Variants in EFL1 observed in about 807,000 individuals in gnomAD.
The protein encoded by EFL1 is elongation factor-like GTPase 1.
A neutral mutation model predicts 126.7 loss-of-function variants in EFL1; 76 were observed. The observed-to-expected ratio is 0.60, with a 90% CI of 0.50 to 0.73. The LOEUF (loss-of-function observed/expected upper bound fraction) is 0.73, where lower values mean the gene tolerates loss of function less well. EFL1 is among the 30% of genes least tolerant of loss of function. The probability of loss-of-function intolerance (pLI) is 0.00; values close to 1 mark genes in which losing one functional copy is unlikely to be tolerated. For synonymous variants in EFL1, 410 were observed against 448.4 expected (o/e 0.91, Z 1.08); for missense variants, 1,128 against 1,343.2 (o/e 0.84, Z 2.50).
At chr15:82,222,684 A>T (rs1181728636) in intron 12 of EFL1, among the ~76,000 whole-genome samples, 1 of 152,226 alleles carries the variant, frequency 6.6e-6, no homozygotes, top group Admixed American at 6.5e-5. Flanking sequence ...ATCAGCAAGG[A>T]TGTGTAAAAA....
intron 15 of EFL1, among the ~76,000 whole-genome samples, chr15:82,178,398 T>C (rs974405925): frequency 6.6e-6 from 1 of 152,202 alleles, no homozygotes; most frequent in Non-Finnish European, 1.5e-5. Flanking sequence ...ACACTTGCCA[T>C]AGATACATGA....
At chr15:82,158,866 C>T (rs1174260079) in intron 16 of EFL1, among the ~76,000 whole-genome samples, 4 of 152,106 alleles carry the variant, frequency 2.6e-5, no homozygotes, top group Admixed American at 1.3e-4. Context: ...AACGATGAGG[C>T]GGTATGATGA....
chr15:82,130,650 G>T, intron 19 of EFL1, 89 bp from the exon 20 acceptor site: 1 of 1,398,190 alleles, frequency 7.2e-7, no homozygotes, highest in Non-Finnish European at 9.8e-7. Flanking sequence ...TATAGTCTTA[G>T]CTAATGAAAA....
At chr15:82,201,891 C>T (rs1440379323) in intron 15 of EFL1, among the ~76,000 whole-genome samples, 1 of 149,920 alleles carries the variant, frequency 6.7e-6, no homozygotes, top group African/African-American at 2.5e-5. Flanking sequence ...CTCTCTCCCT[C>T]CTCCTACTTT....
intron 13 of EFL1, 121 bp from the exon 14 acceptor site, chr15:82,219,939 CA>C: frequency 6.8e-7 from 1 of 1,477,054 alleles, no homozygotes; most frequent in Non-Finnish European, 9.0e-7. Flanking sequence ...AAAAAGAAAA[CA>C]AAACAAAACA....
intron 3 of EFL1, among the ~76,000 whole-genome samples, chr15:82,257,596 G>C (rs1173838368): frequency 1.3e-5 from 2 of 152,098 alleles, no homozygotes; most frequent in Non-Finnish European, 2.9e-5. Context: ...TATATTTTTA[G>C]AGCACCTTTA....
At chr15:82,237,197 T>C (rs1232367254) in intron 7 of EFL1, among the ~76,000 whole-genome samples, 1 of 152,114 alleles carries the variant, frequency 6.6e-6, no homozygotes, top group East Asian at 1.9e-4. Context: ...GTTGCTCATT[T>C]TGAAAGACAC....
intron 5 of EFL1, 116 bp from the exon 6 acceptor site, chr15:82,240,671 A>G: frequency 8.3e-7 from 1 of 1,201,544 alleles, no homozygotes; most frequent in Middle Eastern, 2.8e-4. Flanking sequence ...GGTATTCATT[A>G]GGCATTCACA....
chr15:82,251,826 T>C (rs183241353), intron 4 of EFL1, among the ~76,000 whole-genome samples: 26 of 152,320 alleles, frequency 1.7e-4, no homozygotes, highest in African/African-American at 6.0e-4. Context: ...TTATCTTTAT[T>C]ATTTTCTTCT....
In EFL1 at chr15:82,241,219, C is replaced by G. The variant is rs1452986229; in HGVS notation, c.378+51G>C. 4.4e-6 allele frequency: 7 copies of G among 1,604,282 alleles called. No individual in the cohort carries two copies. The South Asian group carries it at 7.8e-5, about 18-fold the overall frequency. ...AATGCCTAAAGTCAGTCAGTTCCCC[C>G]TCTTTCCTCACCCTTAACCATTTAA... On this transcript the variant is annotated intron_variant, in intron 5 of 19. Coordinates refer to ENST00000268206, the MANE Select transcript of EFL1 (RefSeq NM_024580.6).
rs1313113389 is a variant in EFL1 at position 82,152,335 on chromosome 15, C to T, written c.2119G>A (p.Glu707Lys). Residue 707 changes from glutamate (E) to lysine (K), a missense_variant, in exon 18 of 20, where the codon GAA (glutamate) becomes AAA (lysine). Physicochemically the swap from Glu to Lys is moderately conservative, Grantham distance 56 (BLOSUM62 1). Around this residue, in one of 6 missense-constraint regions of EFL1, gnomAD observed 561 missense variants for 641.7 expected, o/e 0.87. Transcript: ENST00000268206. ...ACTTTTTGCTGTTTGCCTATTTCTTCATTGACCATGTCAACTTTTGGGGGT... is the reference window on the plus strand; with the variant it reads ...ACTTTTTGCTGTTTGCCTATTTCTTTATTGACCATGTCAACTTTTGGGGGT... ...TKPPKVDMVN[E>K]EIGKQQKVAV... 6.2e-7 allele frequency: 1 copy of T among 1,613,950 alleles called. No homozygotes were observed. Among genetic ancestry groups the T allele is most frequent in the South Asian group, 1.1e-5 (1 of 91,080 alleles).
chr15:82,185,044 C>T (rs928000188), intron 15 of EFL1, among the ~76,000 whole-genome samples: 1 of 152,068 alleles, frequency 6.6e-6, no homozygotes, highest in South Asian at 2.1e-4. Context: ...TTTTATATCC[C>T]CTGCTACAAT....
At chr15:82,212,210 A>G (rs1306889601) in intron 15 of EFL1, among the ~76,000 whole-genome samples, 1 of 152,256 alleles carries the variant, frequency 6.6e-6, no homozygotes, top group African/African-American at 2.4e-5. Flanking sequence ...TACTCCATGC[A>G]ATGTTATTTA....
intron 15 of EFL1, among the ~76,000 whole-genome samples, chr15:82,198,976 A>C (rs1450349596): frequency 6.6e-6 from 1 of 152,204 alleles, no homozygotes; most frequent in African/African-American, 2.4e-5. Flanking sequence ...TTAGGATATA[A>C]AATTAAGCCA....
At chr15:82,132,681 TGG>T (rs67000643) in intron 19 of EFL1, among the ~76,000 whole-genome samples, 730 of 42,918 alleles carry the variant, frequency 0.017, 13 homozygotes, top group East Asian at 0.062. Flanking sequence ...GTCCAGGAAT[TGG>T]GGGGGGGGGG....
intron 15 of EFL1, among the ~76,000 whole-genome samples, chr15:82,192,826 A>G (rs1474000698): frequency 2.6e-5 from 4 of 151,984 alleles, no homozygotes; most frequent in Non-Finnish European, 4.4e-5. Context: ...AATACATTCA[A>G]TACCACTTTT....
chr15:82,256,136 G>A (rs1186859322), intron 3 of EFL1, among the ~76,000 whole-genome samples: 1 of 152,066 alleles, frequency 6.6e-6, no homozygotes, highest in East Asian at 1.9e-4. Flanking sequence ...TTGAAGAGAT[G>A]GCGTCTTGTG....
At chr15:82,256,250 C>T (rs560108364) in intron 3 of EFL1, among the ~76,000 whole-genome samples, 1 of 152,260 alleles carries the variant, frequency 6.6e-6, no homozygotes, top group East Asian at 1.9e-4. Context: ...GCTGGGATTA[C>T]AGGCATGAGC....
At chr15:82,174,745 C>A (rs907315129) in intron 15 of EFL1, among the ~76,000 whole-genome samples, 1 of 152,144 alleles carries the variant, frequency 6.6e-6, no homozygotes, top group Non-Finnish European at 1.5e-5. Context: ...ACTGCCAAAC[C>A]CTAATCTCCA....
Sources: gnomAD v4.1 joint callset for allele counts (sites outside exome capture counted in the v4.1 genomes callset) on GRCh38, gnomAD v4.1.1 for gene constraint, gnomAD v4.1.1 regional missense constraint, MANE v1.5 for transcripts, NCBI Gene and HGNC (gene_info 2026-07-23, HGNC 2026-07-21) for gene names.